ENDOD1: variants seen among roughly 807,000 people sequenced by gnomAD.
The protein encoded by ENDOD1 is endonuclease domain-containing 1 protein.
A neutral mutation model predicts 6.5 loss-of-function variants in ENDOD1; 9 were observed. The ratio of observed to expected loss-of-function variants is 1.39; its 90% CI spans 0.84 to 2.43. The LOEUF (loss-of-function observed/expected upper bound fraction) is 2.43, where lower values mean the gene tolerates loss of function less well. Among genes scored for constraint, ENDOD1 ranks in the 30% most tolerant of loss-of-function variants. The pLI is 0.00. For missense variants in ENDOD1, 648 were observed against 635.5 expected (o/e 1.02, Z -0.21); for synonymous variants, 255 against 255.2 (o/e 1.00, Z 0.01).
chr11:95,100,008 C>G (rs893600135), intron 1 of ENDOD1, among the ~76,000 whole-genome samples: 7 of 152,124 alleles, frequency 4.6e-5, no homozygotes, highest in African/African-American at 1.7e-4. Flanking sequence ...GAAAAGAAAG[C>G]CAAGTTTGTG....
chr11:95,095,418 G>A (rs1555110217), intron 1 of ENDOD1, among the ~76,000 whole-genome samples: 1 of 1,494 alleles, frequency 6.7e-4, no homozygotes, highest in Non-Finnish European at 1.5e-3. Context: ...CTGACCCAGG[G>A]GATGGTTCCA....
Position 95,090,054 on chromosome 11 carries a change from C to T in ENDOD1, c.127C>T (p.Pro43Ser), listed in dbSNP as rs1858911256. 1.2e-6 allele frequency: 2 copies of T among 1,602,728 alleles called. No individual in the cohort carries two copies. The highest frequency in any genetic ancestry group is 1.7e-6 in the Non-Finnish European group (2 of 1,175,900). The change falls in exon 1 of 2, where the codon CCG becomes TCG. Residue 43 changes from proline to serine, a missense_variant. By Grantham distance (74) the Pro-to-Ser change is moderately conservative. Transcript: ENST00000278505. Reference sequence around the variant, plus strand: ...TGACAAGTTCTTCTACGCCGGGACCCCGCCTGCGGGGCTGGCGGCCGATTC... The same window carrying T: ...TGACAAGTTCTTCTACGCCGGGACCTCGCCTGCGGGGCTGGCGGCCGATTC... ...ECDKFFYAGT[P>S]PAGLAADSHV...
At chr11:95,098,161 A>G (rs939794761) in intron 1 of ENDOD1, among the ~76,000 whole-genome samples, 3 of 152,118 alleles carry the variant, frequency 2.0e-5, no homozygotes, top group East Asian at 1.9e-4. Context: ...TGCTCAACCT[A>G]TAGTGGCTAC....
At chr11:95,113,724 C>A (rs1555112185) in intron 1 of ENDOD1, among the ~76,000 whole-genome samples, 1 of 152,200 alleles carries the variant, frequency 6.6e-6, no homozygotes, top group Non-Finnish European at 1.5e-5. Context: ...GTGCAGGTAT[C>A]TCTTCGATAT....
At chr11:95,124,630 G>A (rs1316135520) in intron 1 of ENDOD1, among the ~76,000 whole-genome samples, 1 of 152,240 alleles carries the variant, frequency 6.6e-6, no homozygotes, top group Non-Finnish European at 1.5e-5. Context: ...AGGACCCAGT[G>A]TAGAATTGGG....
Position 95,090,138 on chromosome 11 carries a change from A to C in ENDOD1, c.211A>C (p.Thr71Pro). The C allele has an allele frequency of 6.5e-7, 1 of 1,528,638 alleles. No individual in the cohort carries two copies. Among genetic ancestry groups the C allele is most frequent in the Non-Finnish European group, 8.8e-7 (1 of 1,136,876 alleles). The allele number at this position is 1,528,638 out of a possible 1,614,324, so 94.7% of individuals were successfully genotyped here. A position where few individuals can be genotyped will look rare whatever the true frequency, so the allele number is the denominator to read the frequency against. ...GAERFATLYS[T>P]RDRIPVYSAF... ...TGAGCGCTTCGCCACCCTCTACAGC[A>C]CCCGGGACCGCATCCCCGTGTACTC... Residue 71 changes from threonine (T) to proline (P), a missense_variant, in exon 1 of 2, where the codon ACC (threonine) becomes CCC (proline). Physicochemically the swap from Thr to Pro is conservative, Grantham distance 38. Transcript: ENST00000278505.
At chr11:95,126,663 T>C (rs1859314849) in intron 1 of ENDOD1, among the ~76,000 whole-genome samples, 1 of 152,216 alleles carries the variant, frequency 6.6e-6, no homozygotes, top group Non-Finnish European at 1.5e-5. Context: ...CGAACCCCTT[T>C]ATAATTCCAA....
chr11:95,128,129 G>A (rs532714444), intron 1 of ENDOD1, among the ~76,000 whole-genome samples: 4 of 152,328 alleles, frequency 2.6e-5, no homozygotes, highest in African/African-American at 9.6e-5. Context: ...GGGTGTTACT[G>A]TAGAGCAGGG....
At chr11:95,112,794 A>G (rs1227387251) in intron 1 of ENDOD1, among the ~76,000 whole-genome samples, 1 of 152,190 alleles carries the variant, frequency 6.6e-6, no homozygotes, top group Non-Finnish European at 1.5e-5. Context: ...TTTATTTAGC[A>G]GTTGATATAA....
intron 1 of ENDOD1, among the ~76,000 whole-genome samples, chr11:95,120,953 C>A (rs1859257477): frequency 6.6e-6 from 1 of 152,160 alleles, no homozygotes; most frequent in African/African-American, 2.4e-5. Context: ...GTAGCAAGGG[C>A]AGCACTGAGT....
chr11:95,094,588 C>G (rs1219742074), intron 1 of ENDOD1, among the ~76,000 whole-genome samples: 1 of 152,226 alleles, frequency 6.6e-6, no homozygotes, highest in Admixed American at 6.5e-5. Context: ...TACTTCAGAT[C>G]TTAGTAAATG....
intron 1 of ENDOD1, among the ~76,000 whole-genome samples, chr11:95,091,202 C>T (rs1302430073): frequency 3.9e-5 from 6 of 152,198 alleles, no homozygotes; most frequent in Admixed American, 3.9e-4. Context: ...CCCACCCCTG[C>T]CCAGGCTGCT....
rs780297353 is a variant in ENDOD1 at position 95,128,580 on chromosome 11, G to A, written c.504G>A (p.Gln168=). ...FTLTNSAPMT[Q]SFQERWYVNL... Reference sequence around the variant, plus strand: ...TCACAAATTCAGCCCCAATGACTCAGTCCTTCCAGGAACGGTGGTATGTGA... The same window carrying A: ...TCACAAATTCAGCCCCAATGACTCAATCCTTCCAGGAACGGTGGTATGTGA... Residue 168 remains glutamine (Q), a synonymous_variant, in exon 2 of 2, where the codon CAG becomes CAA. Transcript: ENST00000278505. The A allele has an allele frequency of 3.7e-6, 6 of 1,614,236 alleles. No homozygotes were observed. Among genetic ancestry groups the A allele is most frequent in the Non-Finnish European group, 5.1e-6 (6 of 1,180,050 alleles).
chr11:95,106,522 G>A (rs1859090742), intron 1 of ENDOD1, among the ~76,000 whole-genome samples: 1 of 152,138 alleles, frequency 6.6e-6, no homozygotes, highest in Non-Finnish European at 1.5e-5. Context: ...TGTTATTGAA[G>A]GTGTTAGAGT....
chr11:95,108,986 G>A (rs528427974), intron 1 of ENDOD1, among the ~76,000 whole-genome samples: 1 of 152,300 alleles, frequency 6.6e-6, no homozygotes, highest in South Asian at 2.1e-4. Context: ...GGCAGCAGGG[G>A]TGTTGGCATT....
At chr11:95,113,627 C>A (rs1235199828) in intron 1 of ENDOD1, among the ~76,000 whole-genome samples, 1 of 147,714 alleles carries the variant, frequency 6.8e-6, no homozygotes, top group African/African-American at 2.7e-5. Context: ...TATGTATGTA[C>A]CACATTTTCT....
chr11:95,130,151 C>T lies in ENDOD1; in HGVS notation c.*572C>T, dbSNP rs1231879427. ...CAATTTTCTATATCTCTTAGCTTTC[C>T]GTGGTTCTCAAGGATATGTACAGTT... On this transcript the variant is annotated 3_prime_UTR_variant, in exon 2 of 2. Coordinates refer to ENST00000278505, the MANE Select transcript of ENDOD1 (RefSeq NM_015036.3). The T allele has an allele frequency of 2.0e-5, 3 of 152,104 alleles. No homozygotes were observed. Among genetic ancestry groups the T allele is most frequent in the East Asian group, 1.9e-4 (1 of 5,198 alleles). 9.4% of individuals were successfully genotyped at this position (152,104 alleles called of 1,614,324 possible). A position where few individuals can be genotyped will look rare whatever the true frequency, so the allele number is the denominator to read the frequency against.
Position 95,128,653 on chromosome 11 carries a change from G to A in ENDOD1, c.577G>A (p.Gly193Arg), listed in dbSNP as rs1316830549. 6.2e-7 allele frequency: 1 copy of A among 1,614,172 alleles called. No individual in the cohort carries two copies. Among genetic ancestry groups the A allele is most frequent in the Admixed American group, 1.7e-5 (1 of 60,026 alleles). Reference protein sequence around the residue: ...DRALTPQCGSGEDLYILTGTV... With the variant: ...DRALTPQCGSREDLYILTGTV... Reference sequence around the variant, plus strand: ...GGCTTTGACCCCACAGTGTGGCAGTGGGGAAGACCTATATATCCTCACAGG... The same window carrying A: ...GGCTTTGACCCCACAGTGTGGCAGTAGGGAAGACCTATATATCCTCACAGG... The change falls in exon 2 of 2, where the codon GGG becomes AGG. Residue 193 changes from glycine to arginine, a missense_variant. By Grantham distance (125) the Gly-to-Arg change is moderately radical (BLOSUM62 -2). Coordinates refer to ENST00000278505, the MANE Select transcript of ENDOD1 (RefSeq NM_015036.3).
chr11:95,119,087 T>C (rs1005360862), intron 1 of ENDOD1, among the ~76,000 whole-genome samples: 4 of 152,218 alleles, frequency 2.6e-5, no homozygotes, highest in Admixed American at 2.0e-4. Context: ...ATCATGAATT[T>C]CTTTGAGTTT....
Sources: allele counts gnomAD v4.1 joint callset (sites outside exome capture counted in the v4.1 genomes callset), GRCh38; gene constraint gnomAD v4.1.1; transcripts MANE v1.5; gene names NCBI Gene and HGNC (gene_info 2026-07-23, HGNC 2026-07-21).